GALNT17: variants seen among roughly 807,000 people sequenced by gnomAD.
GALNT17 encodes UDP-GalNAc:polypeptide N-acetylgalactosaminyltransferase-like 3.
A neutral mutation model predicts 63.7 loss-of-function variants in GALNT17; 29 were observed. The ratio of observed to expected loss-of-function variants is 0.46; its 90% CI spans 0.34 to 0.62. GALNT17 has a LOEUF of 0.62. Among genes scored for constraint, GALNT17 ranks in the 20% least tolerant of loss-of-function variants. GALNT17 has a pLI of 0.01. For synonymous variants in GALNT17, 305 were observed against 318.3 expected, an observed-to-expected ratio of 0.96 and a Z score of 0.45; for missense variants, 603 against 799.6, an observed-to-expected ratio of 0.75 and a Z score of 2.97.
At chr7:71,163,438 T>C (rs1170821164) in intron 1 of GALNT17, among the ~76,000 whole-genome samples, 7 of 152,192 alleles carry the variant, frequency 4.6e-5, no homozygotes, top group African/African-American at 1.7e-4. Flanking sequence ...ATGTTCTTGG[T>C]GACTGATTGG....
At chr7:71,650,412 G>A (rs565531206) in intron 6 of GALNT17, among the ~76,000 whole-genome samples, 2 of 152,252 alleles carry the variant, frequency 1.3e-5, no homozygotes, top group African/African-American at 4.8e-5. Flanking sequence ...ACCACACCCA[G>A]TTAATTTTTG....
Position 71,646,876 on chromosome 7 carries a change from A to G in GALNT17, c.1081-18535A>G, listed in dbSNP as rs924393884. ...ATTCTCCTGCCTCACCCTCCTGAGT[A>G]GCTGGGACTACAGGTGCCCGCCACC... On this transcript the variant is annotated intron_variant, in intron 6 of 10. Transcript: ENST00000333538. 1.1e-4 allele frequency among the ~76,000 whole-genome samples: 17 copies of G among 148,246 alleles called. 1 individual carries two copies. Among genetic ancestry groups the G allele is most frequent in the South Asian group, 4.3e-4 (2 of 4,636 alleles).
intron 1 of GALNT17, among the ~76,000 whole-genome samples, chr7:71,293,473 A>G (rs1791021382): frequency 6.6e-6 from 1 of 152,132 alleles, no homozygotes; most frequent in Admixed American, 6.5e-5. Flanking sequence ...TTTTTTTCAT[A>G]TATCCATTGG....
chr7:71,483,085 G>A (rs573462815), intron 5 of GALNT17, among the ~76,000 whole-genome samples: 62 of 152,230 alleles, frequency 4.1e-4, no homozygotes, highest in African/African-American at 1.2e-3. Flanking sequence ...GGGGGATTGG[G>A]GACCTCTGGT....
At chr7:71,351,742 C>A (rs943383216) in intron 2 of GALNT17, among the ~76,000 whole-genome samples, 64 of 152,230 alleles carry the variant, frequency 4.2e-4, no homozygotes, top group African/African-American at 1.3e-3. Context: ...GCCTCTAGAA[C>A]CATGAGAGAA....
At chr7:71,160,992 C>T (rs1317547575) in intron 1 of GALNT17, among the ~76,000 whole-genome samples, 1 of 151,734 alleles carries the variant, frequency 6.6e-6, no homozygotes, top group African/African-American at 2.4e-5. Flanking sequence ...TGCCACTATG[C>T]CTGGCTAATT....
chr7:71,353,316 T>C (rs1340713630), intron 2 of GALNT17, among the ~76,000 whole-genome samples: 1 of 152,178 alleles, frequency 6.6e-6, no homozygotes, highest in Non-Finnish European at 1.5e-5. Flanking sequence ...TGATGCCCCT[T>C]TGTCTCTGAA....
In GALNT17 at chr7:71,177,367, C is replaced by T. The variant is rs1562888409; in HGVS notation, c.238+44327C>T. Among the ~76,000 whole-genome samples, 4 of 152,320 alleles carry T rather than the reference C, an allele frequency of 2.6e-5. No individual in the cohort carries two copies. In the East Asian group the frequency reaches 5.8e-4, roughly 22 times the overall value. ...CCATCCCACTCTATCCCTCACTCTT[C>T]GCTTCCCATGTCTGGACTCTGATTT... On this transcript the variant is annotated intron_variant, in intron 1 of 10. Coordinates refer to ENST00000333538, the MANE Select transcript of GALNT17 (RefSeq NM_022479.3).
intron 1 of GALNT17, among the ~76,000 whole-genome samples, chr7:71,154,855 C>T (rs946947588): frequency 2.0e-4 from 30 of 151,816 alleles, no homozygotes; most frequent in Admixed American, 8.5e-4. Context: ...GGATTACAGG[C>T]GTGAGCCACC....
chr7:71,156,579 GTCCTTCCTTCCTTCCT>G (rs61515412), intron 1 of GALNT17, among the ~76,000 whole-genome samples: 6 of 139,794 alleles, frequency 4.3e-5, no homozygotes, highest in Non-Finnish European at 7.6e-5. Context: ...CACATGAGAT[GTCCTTCCTTCCTTCCT>G]TCCTTCCTTC....
chr7:71,673,911 G>A (rs1791108306), intron 8 of GALNT17, among the ~76,000 whole-genome samples: 1 of 152,178 alleles, frequency 6.6e-6, no homozygotes. Flanking sequence ...AAACCACTTA[G>A]GCTAGAAGGC....
intron 6 of GALNT17, among the ~76,000 whole-genome samples, chr7:71,663,485 T>G (rs1351422646): frequency 1.3e-5 from 2 of 152,174 alleles, no homozygotes; most frequent in Non-Finnish European, 2.9e-5. Context: ...ACATTTGGCC[T>G]CCTTGACTTC....
intron 5 of GALNT17, among the ~76,000 whole-genome samples, chr7:71,536,818 A>C (rs566518441): frequency 1.1e-3 from 170 of 152,314 alleles, no homozygotes; most frequent in African/African-American, 4.0e-3. Context: ...TTCCTCTTAA[A>C]AGGTTAAGTG....
intron 8 of GALNT17, among the ~76,000 whole-genome samples, chr7:71,672,376 C>A (rs2117058872): frequency 6.6e-6 from 1 of 152,246 alleles, no homozygotes. Flanking sequence ...TGAGGAAGGG[C>A]TTTCTAAGAA....
chr7:71,372,095 G>A (rs376761436), intron 2 of GALNT17, among the ~76,000 whole-genome samples: 11 of 152,074 alleles, frequency 7.2e-5, no homozygotes, highest in South Asian at 2.1e-4. Flanking sequence ...ATCTTCCCGC[G>A]GCAGCTTCCT....
intron 5 of GALNT17, among the ~76,000 whole-genome samples, chr7:71,435,986 C>G (rs1387587901): frequency 6.8e-6 from 1 of 148,036 alleles, no homozygotes; most frequent in East Asian, 2.0e-4. Context: ...CGCTACTGCA[C>G]TCCAGCCTGG....
At chr7:71,282,704 G>T (rs1346920343) in intron 1 of GALNT17, among the ~76,000 whole-genome samples, 1 of 152,012 alleles carries the variant, frequency 6.6e-6, no homozygotes, top group Non-Finnish European at 1.5e-5. Flanking sequence ...GAGGGCTGTG[G>T]GTGGGGGGAT....
intron 6 of GALNT17, among the ~76,000 whole-genome samples, chr7:71,586,664 A>G (rs1365852894): frequency 1.4e-5 from 2 of 146,732 alleles, no homozygotes; most frequent in Non-Finnish European, 3.0e-5. Flanking sequence ...AATCTATTTT[A>G]CCAAACCTAG....
At chr7:71,538,324 C>A (rs985975500) in intron 5 of GALNT17, among the ~76,000 whole-genome samples, 1 of 152,162 alleles carries the variant, frequency 6.6e-6, no homozygotes, top group Non-Finnish European at 1.5e-5. Flanking sequence ...CTCTCCTCCA[C>A]GAAAGAGGAA....
Sources: allele counts gnomAD v4.1 joint callset (sites outside exome capture counted in the v4.1 genomes callset), GRCh38; gene constraint gnomAD v4.1.1; transcripts MANE v1.5; gene names NCBI Gene and HGNC (gene_info 2026-07-23, HGNC 2026-07-21).